The following DMD variants were observed in gnomAD, a reference collection of about 807,000 sequenced individuals.
DMD encodes mutant dystrophin.
In DMD, 63 loss-of-function variants were observed where a neutral mutation model predicts 330.1. The ratio of observed to expected loss-of-function variants is 0.19; its 90% confidence interval spans 0.16 to 0.24. The LOEUF (loss-of-function observed/expected upper bound fraction) is 0.24, where lower values mean the gene tolerates loss of function less well. Among genes scored for constraint, DMD ranks in the 10% least tolerant of loss-of-function variants. DMD has a pLI of 1.00. For synonymous variants in DMD, 1,223 were observed against 959.8 expected, an observed-to-expected ratio of 1.27 and a Z score of -5.07; for missense variants, 3,344 against 2,684.1, an observed-to-expected ratio of 1.25 and a Z score of -5.43.
At chrX:32,243,748 A>C (rs1310302951) in intron 43 of DMD, among the ~76,000 whole-genome samples, 1 of 111,569 alleles carries the variant, frequency 9.0e-6, no homozygotes, top group East Asian at 2.8e-4. Flanking sequence ...AATTCTTGAA[A>C]ATTTAACAAG....
chrX:31,214,946 T>C (rs1454426474), intron 64 of DMD, among the ~76,000 whole-genome samples: 6 of 78,500 alleles, frequency 7.6e-5, no homozygotes, highest in East Asian at 8.6e-4. Flanking sequence ...TCTTTTTTTT[T>C]TTTTTTTTTT....
intron 52 of DMD, among the ~76,000 whole-genome samples, chrX:31,683,710 G>C (rs1340947492): frequency 8.9e-6 from 1 of 111,732 alleles, no homozygotes; most frequent in African/African-American, 3.3e-5. Context: ...TGAAAGACTA[G>C]AGAAGGAGGA....
intron 41 of DMD, among the ~76,000 whole-genome samples, chrX:32,311,588 T>C (rs2097562704): frequency 8.9e-6 from 1 of 111,741 alleles, no homozygotes; most frequent in Non-Finnish European, 1.9e-5. Flanking sequence ...ACATTTGTTT[T>C]ATTGTGTATA....
intron 60 of DMD, among the ~76,000 whole-genome samples, chrX:31,376,680 G>A (rs1602296222): frequency 8.9e-6 from 1 of 112,218 alleles, no homozygotes; most frequent in East Asian, 2.8e-4. Flanking sequence ...TACAAAACGT[G>A]ACCAAGAAGT....
At chrX:31,473,515 A>G (rs994527142) in intron 59 of DMD, among the ~76,000 whole-genome samples, 6 of 109,313 alleles carry the variant, frequency 5.5e-5, no homozygotes, top group Non-Finnish European at 9.5e-5. Flanking sequence ...AGATCAAGAG[A>G]TCAAGACCAT....
At chrX:32,764,469 C>G (rs2072721425) in intron 7 of DMD, among the ~76,000 whole-genome samples, 1 of 111,217 alleles carries the variant, frequency 9.0e-6, no homozygotes, top group South Asian at 3.7e-4. Context: ...CTTCTCTCCC[C>G]CAGCTTCTAG....
intron 9 of DMD, among the ~76,000 whole-genome samples, chrX:32,697,411 T>C (rs1045579909): frequency 4.5e-5 from 5 of 112,119 alleles, no homozygotes; most frequent in Non-Finnish European, 9.4e-5. Flanking sequence ...TTTTCTTACA[T>C]AGAATATATA....
Position 31,222,909 on chromosome X carries a change from A to G in DMD, c.9361+138T>C, listed in dbSNP as rs10127360. The G allele has an allele frequency of 0.41, 226,013 of 550,341 alleles. 37,083 individuals are homozygous for G. The highest frequency in any genetic ancestry group is 0.9 in the African/African-American group (39,079 of 43,565). 45.4% of individuals were successfully genotyped at this position (550,341 alleles called of 1,213,427 possible). A position where few individuals can be genotyped will look rare whatever the true frequency, so the allele number is the denominator to read the frequency against. Reference sequence around the variant, plus strand: ...TAGGCAAACTCTAGGCCAAGGATACATTAAAGAATGAATTATACATTGCAA... The same window carrying G: ...TAGGCAAACTCTAGGCCAAGGATACGTTAAAGAATGAATTATACATTGCAA... On this transcript the variant is annotated intron_variant, in intron 64 of 78. Coordinates refer to ENST00000357033, the MANE Select transcript of DMD (RefSeq NM_004006.3).
intron 13 of DMD, among the ~76,000 whole-genome samples, chrX:32,584,060 G>C (rs923214678): frequency 1.1e-4 from 12 of 110,573 alleles, no homozygotes; most frequent in Non-Finnish European, 5.7e-5. Flanking sequence ...AAACAGCAAA[G>C]AATACCCAGA....
intron 33 of DMD, among the ~76,000 whole-genome samples, chrX:32,385,002 T>G (rs926101015): frequency 2.7e-5 from 3 of 111,330 alleles, no homozygotes; most frequent in Non-Finnish European, 3.8e-5. Context: ...ACAGACTTAA[T>G]GCAATCCCTA....
chrX:32,339,409 C>T (rs898328545), intron 41 of DMD, among the ~76,000 whole-genome samples: 2 of 111,923 alleles, frequency 1.8e-5, no homozygotes, highest in African/African-American at 6.5e-5. Context: ...CAGGAGTTCT[C>T]TCATTTTGAA....
At chrX:31,519,834 T>C (rs2072583369) in intron 55 of DMD, among the ~76,000 whole-genome samples, 1 of 112,002 alleles carries the variant, frequency 8.9e-6, no homozygotes, top group Non-Finnish European at 1.9e-5. Flanking sequence ...CTGATATAAT[T>C]GGATCTGATT....
In DMD at chrX:31,957,987, A is replaced by G. The variant is rs1007019506; in HGVS notation, c.6614+10352T>C. On this transcript the variant is annotated intron_variant, in intron 45 of 78. Coordinates refer to ENST00000357033, the MANE Select transcript of DMD (RefSeq NM_004006.3). The stretch of plus-strand genomic sequence containing the variant: ...GATTCTAACATAAAAAGAACTTTGT[A>G]AATAAGTGTTTCTAATTATAAAATG... Among the ~76,000 whole-genome samples the G allele has an allele frequency of 3.6e-5, 4 of 111,425 alleles. No homozygotes were observed. The Admixed American group carries it at 3.8e-4, about 11-fold the overall frequency.
intron 9 of DMD, among the ~76,000 whole-genome samples, chrX:32,663,509 C>G (rs2061083859): frequency 9.0e-6 from 1 of 111,717 alleles, no homozygotes; most frequent in Non-Finnish European, 1.9e-5. Flanking sequence ...TACATCATAA[C>G]TTCATTTATT....
chrX:32,676,403 G>A (rs1296553728), intron 9 of DMD, among the ~76,000 whole-genome samples: 2 of 111,046 alleles, frequency 1.8e-5, no homozygotes, highest in Non-Finnish European at 3.8e-5. Context: ...GGACTTATCT[G>A]TCTGTACCAT....
At chrX:31,466,594 A>C (rs758086428) in intron 59 of DMD, among the ~76,000 whole-genome samples, 4 of 111,817 alleles carry the variant, frequency 3.6e-5, no homozygotes, top group Non-Finnish European at 3.8e-5. Flanking sequence ...GTCAGGTAGC[A>C]TGATGCCTCC....
At chrX:32,305,292 G>A (rs184812524) in intron 42 of DMD, among the ~76,000 whole-genome samples, 42 of 111,347 alleles carry the variant, frequency 3.8e-4, no homozygotes, top group African/African-American at 1.2e-3. Flanking sequence ...ATCTTAACCA[G>A]TGTATTAAAA....
chrX:31,234,495 T>C (rs868395602), intron 63 of DMD, among the ~76,000 whole-genome samples: 6 of 112,275 alleles, frequency 5.3e-5, no homozygotes, highest in Middle Eastern at 9.3e-3. Context: ...AATCCATGAG[T>C]CTCCTGACTA....
intron 63 of DMD, among the ~76,000 whole-genome samples, chrX:31,256,385 T>C (rs2049960288): frequency 1.8e-5 from 2 of 111,913 alleles, no homozygotes; most frequent in African/African-American, 3.2e-5. Flanking sequence ...CTTTACTATG[T>C]CTTGCTTTGT....
Sources: allele counts gnomAD v4.1 joint callset (sites outside exome capture counted in the v4.1 genomes callset), GRCh38; gene constraint gnomAD v4.1.1; transcripts MANE v1.5; gene names NCBI Gene and HGNC (gene_info 2026-07-23, HGNC 2026-07-21).